The following F13B variants were observed in gnomAD, a reference collection of about 807,000 sequenced individuals.
F13B encodes the protein TGase.
Under a neutral mutation model 79.8 loss-of-function variants are expected in F13B, and 58 were observed. That is an observed-to-expected ratio of 0.73 (90% confidence interval 0.59 to 0.90). F13B has a LOEUF of 0.90. F13B is among the 40% of genes least tolerant of loss of function. The pLI is 0.00. For synonymous variants in F13B, 283 were observed against 260.3 expected (o/e 1.09, Z -0.84); for missense variants, 773 against 777.0 (o/e 0.99, Z 0.06).
Position 197,061,947 on chromosome 1 carries a change from C to T in F13B, c.288G>A (p.Leu96=). 1.9e-6 allele frequency: 3 copies of T among 1,612,564 alleles called. 1 individual carries two copies. The South Asian group carries it at 3.3e-5, about 18-fold the overall frequency. Residue 96 remains leucine (L), a synonymous_variant, in exon 3 of 12, where the codon CTG becomes CTA. Transcript: ENST00000367412. The part of the protein sequence containing the change: ...RCFKKCTKPD[L]SNGYISDVKL... ...TTACATCAGAGATGTAACCATTACT[C>T]AGGTCAGGCTTAGTGCATTTTTCTA...
rs761120452 is a variant in F13B, at chr1:197,038,773, C to G, written c.*605G>C. 9.2e-5 allele frequency among the ~76,000 whole-genome samples: 14 copies of G among 151,774 alleles called. No individual in the cohort carries two copies. Among genetic ancestry groups the G allele is most frequent in the Admixed American group, 9.2e-4 (14 of 15,208 alleles). On this transcript the variant is annotated 3_prime_UTR_variant, in exon 12 of 12. Coordinates refer to ENST00000367412, the MANE Select transcript of F13B (RefSeq NM_001994.3). Reference sequence around the variant, plus strand: ...GGTCATTCTTTCTTTAATTGTGTCTCTTTAACAATATTTGAGCACATGTTC... The same window carrying G: ...GGTCATTCTTTCTTTAATTGTGTCTGTTTAACAATATTTGAGCACATGTTC...
At chr1:197,040,781 A>G in intron 10 of F13B, 46 bp from the exon 11 acceptor site, 1 of 1,433,996 alleles carries the variant, frequency 7.0e-7, no homozygotes, top group Non-Finnish European at 9.6e-7. Flanking sequence ...GAAGAAAACT[A>G]TCTTGTTACA....
chr1:197,043,933 C>A (rs970212945), intron 10 of F13B, among the ~76,000 whole-genome samples: 1 of 151,904 alleles, frequency 6.6e-6, no homozygotes, highest in Non-Finnish European at 1.5e-5. Flanking sequence ...TCAAGGAATG[C>A]TACTAACTTG....
chr1:197,060,583 AT>A (rs1219906007), intron 4 of F13B, 41 bp from the exon 5 acceptor site: 2 of 1,400,914 alleles, frequency 1.4e-6, no homozygotes, highest in Non-Finnish European at 2.0e-6. Flanking sequence ...ACAAATGTTT[AT>A]TTTTTCTGCT....
intron 2 of F13B, 29 bp from the exon 3 acceptor site, chr1:197,061,998 T>C: frequency 6.4e-7 from 1 of 1,560,484 alleles, no homozygotes. Context: ...TTTAACTTAA[T>C]GATGAAACTA....
chr1:197,039,103 G>C lies in F13B; in HGVS notation c.*275C>G, dbSNP rs573105492. Reference sequence around the variant, plus strand: ...AAAACAACTATATAGTCTAGTCAATGGGCATTAGGAAATGAAAATATGATG... The same window carrying C: ...AAAACAACTATATAGTCTAGTCAATCGGCATTAGGAAATGAAAATATGATG... On this transcript the variant is annotated 3_prime_UTR_variant, in exon 12 of 12. Coordinates refer to ENST00000367412, the MANE Select transcript of F13B (RefSeq NM_001994.3). The C allele has an allele frequency of 4.4e-5, 17 of 383,466 alleles. No homozygotes were observed. The highest frequency in any genetic ancestry group is 6.7e-5 in the Non-Finnish European group (14 of 210,186). 23.8% of individuals were successfully genotyped at this position (383,466 alleles called of 1,614,324 possible).
At chr1:197,056,835 C>A (rs1655658069) in intron 7 of F13B, among the ~76,000 whole-genome samples, 178 bp downstream of exon 7, 1 of 152,276 alleles carries the variant, frequency 6.6e-6, no homozygotes, top group South Asian at 2.1e-4. Context: ...CTACAGATAG[C>A]TACACATACA....
intron 1 of F13B, 99 bp downstream of exon 1, chr1:197,067,061 A>C (rs1430312846): frequency 1.7e-6 from 1 of 579,460 alleles, no homozygotes; most frequent in Non-Finnish European, 3.0e-6. Flanking sequence ...TAAAATTGAT[A>C]ATGAAAATAG....
intron 10 of F13B, among the ~76,000 whole-genome samples, chr1:197,045,727 A>C (rs1373096559): frequency 6.6e-6 from 1 of 152,132 alleles, no homozygotes; most frequent in Non-Finnish European, 1.5e-5. Context: ...CAGAATTTAG[A>C]CCAATATTCC....
At chr1:197,053,748 G>T (rs1055186154) in intron 8 of F13B, among the ~76,000 whole-genome samples, 1 of 152,048 alleles carries the variant, frequency 6.6e-6, no homozygotes, top group African/African-American at 2.4e-5. Context: ...TCAGTAAGGT[G>T]ATTAGGGTAG....
In F13B at chr1:197,042,176, C is replaced by T. The variant is rs139315066; in HGVS notation, c.1739-1441G>A. Among the ~76,000 whole-genome samples the T allele has an allele frequency of 2.9e-3, 449 of 152,246 alleles. 10 individuals carry two copies. The highest frequency in any genetic ancestry group is 0.021 in the Admixed American group (314 of 15,288). Reference sequence around the variant, plus strand: ...GTTCAGTTACTTTCTTCAACAACTACTTATTAAATGCCTATGTGTCAAACA... The same window carrying T: ...GTTCAGTTACTTTCTTCAACAACTATTTATTAAATGCCTATGTGTCAAACA... On this transcript the variant is annotated intron_variant, in intron 10 of 11. Transcript: ENST00000367412.
chr1:197,052,617 G>T lies in F13B; in HGVS notation c.1555+17C>A, dbSNP rs1233294440. The T allele has an allele frequency of 6.3e-7, 1 of 1,577,708 alleles. No homozygotes were observed. The highest frequency in any genetic ancestry group is 8.7e-7 in the Non-Finnish European group (1 of 1,149,498). ...TTGGTCAAGTAAAGATACTTGCAGA[G>T]AACATTATTATTTTACCTTTTCTAG... On this transcript the variant is annotated intron_variant, in intron 9 of 11. Coordinates refer to ENST00000367412, the MANE Select transcript of F13B (RefSeq NM_001994.3).
At chr1:197,060,283 AC>A in intron 5 of F13B, 82 bp downstream of exon 5, 1 of 1,002,482 alleles carries the variant, frequency 1.0e-6, no homozygotes, top group South Asian at 1.5e-5. Context: ...AATAGATATG[AC>A]CACAGGAATT....
chr1:197,051,394 T>G (rs1249150124), intron 9 of F13B, among the ~76,000 whole-genome samples: 1 of 152,168 alleles, frequency 6.6e-6, no homozygotes, highest in African/African-American at 2.4e-5. Context: ...ATATGGGATT[T>G]TTCTAGAAGC....
chr1:197,063,305 G>C (rs576506933), intron 1 of F13B, among the ~76,000 whole-genome samples: 48 of 152,146 alleles, frequency 3.2e-4, no homozygotes, highest in African/African-American at 9.4e-4. Context: ...GGGAAGCTTT[G>C]CATAACTTCG....
chr1:197,061,155 A>C (rs1037119610), intron 3 of F13B, 80 bp from the exon 4 acceptor site: 21 of 754,190 alleles, frequency 2.8e-5, no homozygotes, highest in African/African-American at 2.7e-4. Flanking sequence ...TGGTTTTACA[A>C]ATCTTAAGAA....
intron 7 of F13B, among the ~76,000 whole-genome samples, chr1:197,056,461 C>A (rs1655644346): frequency 6.6e-6 from 1 of 152,078 alleles, no homozygotes. Flanking sequence ...GAAGAGTAGT[C>A]TCCAGGAATG....
intron 1 of F13B, among the ~76,000 whole-genome samples, chr1:197,065,872 A>C (rs1427566467): frequency 6.6e-6 from 1 of 152,176 alleles, no homozygotes; most frequent in African/African-American, 2.4e-5. Flanking sequence ...TCATAGGCCA[A>C]TAATACTTGC....
chr1:197,051,038 C>T (rs1334571374), intron 9 of F13B, among the ~76,000 whole-genome samples, 159 bp from the exon 10 acceptor site: 1 of 152,058 alleles, frequency 6.6e-6, no homozygotes, highest in African/African-American at 2.4e-5. Flanking sequence ...CTCAAGTGAT[C>T]CTCCTGTCTT....
Sources: gnomAD v4.1 joint callset for allele counts (sites outside exome capture counted in the v4.1 genomes callset) on GRCh38, gnomAD v4.1.1 for gene constraint, MANE v1.5 for transcripts, NCBI Gene and HGNC (gene_info 2026-07-23, HGNC 2026-07-21) for gene names.